The following MX2 variants were observed in gnomAD, a reference collection of about 807,000 sequenced individuals.
MX2 encodes the protein MX dynamin like GTPase 2.
MX2 carries 51 observed loss-of-function variants against 74.0 expected under a neutral mutation model. The ratio of observed to expected loss-of-function variants is 0.69; its 90% confidence interval spans 0.55 to 0.87. MX2 has a LOEUF of 0.87. Among genes scored for constraint, MX2 ranks in the 40% least tolerant of loss-of-function variants. The probability of loss-of-function intolerance (pLI) is 0.00; values close to 1 mark genes in which losing one functional copy is unlikely to be tolerated. For synonymous variants in MX2, 369 were observed against 339.3 expected, an observed-to-expected ratio of 1.09 and a Z score of -0.96; for missense variants, 832 against 908.7, an observed-to-expected ratio of 0.92 and a Z score of 1.09.
At chr21:41,378,034 C>T in intron 3 of MX2, 53 bp downstream of exon 3, 1 of 1,564,600 alleles carries the variant, frequency 6.4e-7, no homozygotes, top group African/African-American at 1.4e-5. Flanking sequence ...ACCTGTAAGC[C>T]ACAAAGCTTC....
chr21:41,400,487 G>A (rs945861552), intron 10 of MX2, among the ~76,000 whole-genome samples: 1 of 152,028 alleles, frequency 6.6e-6, no homozygotes, highest in African/African-American at 2.4e-5. Context: ...GTTCCAGTAG[G>A]GCATGTGTGT....
rs2089430529 is a variant in MX2 at position 41,377,955 on chromosome 21, C to T, written c.416C>T (p.Ser139Leu). 6.2e-7 allele frequency: 1 copy of T among 1,613,980 alleles called. No individual in the cohort carries two copies. Among genetic ancestry groups the T allele is most frequent in the Non-Finnish European group, 8.5e-7 (1 of 1,179,854 alleles). Residue 139 changes from serine (S) to leucine (L), a missense_variant, in exon 3 of 14, where the codon TCA (serine) becomes TTA (leucine). Physicochemically the swap from Ser to Leu is moderately radical, Grantham distance 145 (BLOSUM62 -2). Transcript: ENST00000330714. The stretch of plus-strand genomic sequence containing the variant: ...AAGAGCTCTGTGCTGGAGGCACTGT[C>T]AGGAGTCGCGCTTCCCAGAGGCAGC... ...SGKSSVLEAL[S>L]GVALPRGSGI... is the part of the protein sequence containing the mutation.
intron 4 of MX2, among the ~76,000 whole-genome samples, chr21:41,381,465 C>G (rs1229714090): frequency 2.0e-5 from 3 of 152,110 alleles, no homozygotes; most frequent in Non-Finnish European, 4.4e-5. Context: ...GCAGGCGGAT[C>G]ACGAGGTTAG....
Position 41,380,638 on chromosome 21 carries a change from C to T in MX2, c.577+487C>T, listed in dbSNP as rs543638202. On this transcript the variant is annotated intron_variant, in intron 4 of 13. Coordinates refer to ENST00000330714, the MANE Select transcript of MX2 (RefSeq NM_002463.2). This position sits in a 1 kb window ranked among gnomAD's most constrained non-coding sequence, Gnocchi z 4.3. ...GAAGTTCAGCTCTAACCCTGGCCAG[C>T]CACCTTGTGGCCACCTTTCCTCCCA... 3.9e-5 allele frequency among the ~76,000 whole-genome samples: 6 copies of T among 152,324 alleles called. No individual in the cohort carries two copies. The highest frequency in any genetic ancestry group is 2.0e-4 in the Admixed American group (3 of 15,304).
intron 1 of MX2, 51 bp from the exon 2 acceptor site, chr21:41,376,785 G>A (rs2089408605): frequency 6.8e-7 from 1 of 1,468,302 alleles, no homozygotes; most frequent in South Asian, 1.3e-5. Context: ...TGCCAACTCA[G>A]GGAGGACTTC....
chr21:41,377,273 T>A lies in MX2; in HGVS notation c.249+118T>A, dbSNP rs2089418695. 4.4e-6 allele frequency: 6 copies of A among 1,378,470 alleles called. No individual in the cohort carries two copies. In the Admixed American group the frequency reaches 7.6e-5, roughly 18 times the overall value. The allele number at this position is 1,378,470 out of a possible 1,614,324, so 85.4% of individuals were successfully genotyped here. A position where few individuals can be genotyped will look rare whatever the true frequency, so the allele number is the denominator to read the frequency against. On this transcript the variant is annotated intron_variant, in intron 2 of 13. Coordinates refer to ENST00000330714, the MANE Select transcript of MX2 (RefSeq NM_002463.2). The stretch of plus-strand genomic sequence containing the variant: ...CAGTCTGCTCCTCCAGCACAGCTGA[T>A]GTCTCCAGCTCTCCTGGTCATGCCC...
At position 41,382,485 on chromosome 21, in the gene MX2, T is replaced by A; in HGVS notation, c.653T>A (p.Val218Asp). Residue 218 changes from valine to aspartate, a missense_variant, in exon 5 of 14, where the codon GTT becomes GAT. Coordinates refer to ENST00000330714, the MANE Select transcript of MX2 (RefSeq NM_002463.2). ...LISLEITSPEVPDLTIIDLPG... is the reference protein window; with the variant it reads ...LISLEITSPEDPDLTIIDLPG... ...AGCCTGGAGATCACCTCCCCTGAGG[T>A]TCCAGACCTGACCATCATTGACCTT... 6.2e-7 allele frequency: 1 copy of A among 1,614,162 alleles called. No homozygotes were observed. Among genetic ancestry groups the A allele is most frequent in the Non-Finnish European group, 8.5e-7 (1 of 1,180,020 alleles).
Position 41,366,177 on chromosome 21 carries a change from C to T in MX2, c.-72+4122C>T, listed in dbSNP as rs1350861801. 1 of 152,206 alleles carries T rather than the reference C, an allele frequency of 6.6e-6. No homozygotes were observed. The highest frequency in any genetic ancestry group is 1.5e-5 in the Non-Finnish European group (1 of 68,044). The allele number at this position is 152,206 out of a possible 1,614,324, so 9.4% of individuals were successfully genotyped here. A position where few individuals can be genotyped will look rare whatever the true frequency, so the allele number is the denominator to read the frequency against. On this transcript the variant is annotated intron_variant, in intron 1 of 13. Transcript: ENST00000330714. This position sits in a 1 kb window ranked among gnomAD's most constrained non-coding sequence, Gnocchi z 4.5. Reference sequence around the variant, plus strand: ...CTGGGTGGTGTCCAACAGCTGCCTTCGTGTATCACTGGGAAATCTTAAAGA... The same window carrying T: ...CTGGGTGGTGTCCAACAGCTGCCTTTGTGTATCACTGGGAAATCTTAAAGA...
At chr21:41,405,769 A>G (rs913192707) in intron 12 of MX2, among the ~76,000 whole-genome samples, 9 of 136,600 alleles carry the variant, frequency 6.6e-5, no homozygotes, top group African/African-American at 2.5e-4. Context: ...CAATGGCGCC[A>G]TCTCGGCTCA....
At position 41,405,994 on chromosome 21, in the gene MX2, G is replaced by A. The variant is rs114617947; in HGVS notation, c.1651-750G>A. ...GCTGGGATTACAGGAATGAGCCATC[G>A]CACCCGGCCTTTTTGAGACGGAGTT... On this transcript the variant is annotated intron_variant, in intron 12 of 13. Coordinates refer to ENST00000330714, the MANE Select transcript of MX2 (RefSeq NM_002463.2). Among the ~76,000 whole-genome samples, 614 of 147,382 alleles carry A rather than the reference G, an allele frequency of 4.2e-3. 5 individuals carry two copies. Among genetic ancestry groups the A allele is most frequent in the African/African-American group, 0.015 (578 of 39,732 alleles).
At chr21:41,381,766 C>T (rs2089498338) in intron 4 of MX2, among the ~76,000 whole-genome samples, 1 of 152,152 alleles carries the variant, frequency 6.6e-6, no homozygotes, top group Non-Finnish European at 1.5e-5. Context: ...TTGGAACCCC[C>T]TCCACTGCTG....
chr21:41,393,260 G>A (rs2089687807), intron 6 of MX2, among the ~76,000 whole-genome samples: 1 of 152,020 alleles, frequency 6.6e-6, no homozygotes, highest in South Asian at 2.1e-4. Flanking sequence ...AAGAACAGTG[G>A]GTCGATATTT....
intron 10 of MX2, among the ~76,000 whole-genome samples, chr21:41,400,508 G>A (rs1045606689): frequency 1.3e-5 from 2 of 152,100 alleles, no homozygotes; most frequent in Admixed American, 6.6e-5. Context: ...GTGTATGTGT[G>A]TGTCCATTTT....
chr21:41,378,015 A>G (rs759398832), intron 3 of MX2, 34 bp downstream of exon 3: 2 of 1,597,716 alleles, frequency 1.3e-6, no homozygotes, highest in Admixed American at 1.7e-5. Flanking sequence ...CTCCGCAGCA[A>G]GCAGCGCCAC....
At position 41,408,074 on chromosome 21, in the gene MX2, A is replaced by G; in HGVS notation, c.1989A>G (p.Lys663=). The change falls in exon 14 of 14, where the codon AAA becomes AAG. Residue 663 remains lysine (K), a synonymous_variant. Coordinates refer to ENST00000330714, the MANE Select transcript of MX2 (RefSeq NM_002463.2). ...MLRENGDSLQ[K]AMMQILQEKN... is the part of the protein sequence containing the mutation. The stretch of plus-strand genomic sequence containing the variant: ...GAGAGAATGGTGACTCCTTGCAGAA[A>G]GCCATGATGCAGATACTACAGGAAA... 1 of 1,614,234 alleles carries G rather than the reference A, an allele frequency of 6.2e-7. No homozygotes were observed.
chr21:41,367,640 C>T (rs2089279434), intron 1 of MX2, among the ~76,000 whole-genome samples: 1 of 152,176 alleles, frequency 6.6e-6, no homozygotes, highest in African/African-American at 2.4e-5. Flanking sequence ...ATTTTCAATT[C>T]ATCCAGAATG....
At chr21:41,397,910 A>AG (rs1470268082) in intron 8 of MX2, among the ~76,000 whole-genome samples, 1 of 152,246 alleles carries the variant, frequency 6.6e-6, no homozygotes, top group East Asian at 1.9e-4. Context: ...ATTGGTCAAC[A>AG]GGGGGGAAAA....
At chr21:41,383,735 T>C (rs911476024) in intron 5 of MX2, among the ~76,000 whole-genome samples, 1 of 152,204 alleles carries the variant, frequency 6.6e-6, no homozygotes, top group African/African-American at 2.4e-5. Context: ...AAATCTTGGT[T>C]AGTGATCTTC....
At chr21:41,397,734 C>G in intron 8 of MX2, 43 bp downstream of exon 8, 2 of 1,539,344 alleles carry the variant, frequency 1.3e-6, no homozygotes, top group Non-Finnish European at 1.8e-6. Context: ...ATACAGCATG[C>G]CCAAGTCACT....
Sources: gnomAD v4.1 joint callset for allele counts (sites outside exome capture counted in the v4.1 genomes callset) on GRCh38, gnomAD v4.1.1 for gene constraint, Gnocchi (gnomAD v3.1) non-coding constraint, MANE v1.5 for transcripts, NCBI Gene and HGNC (gene_info 2026-07-23, HGNC 2026-07-21) for gene names.